Variants in LZTS1 observed in about 807,000 individuals in gnomAD.
LZTS1 encodes leucine zipper tumor suppressor 1.
Under a neutral mutation model 45.8 loss-of-function variants are expected in LZTS1, and 31 were observed. The observed-to-expected ratio is 0.68, with a 90% CI of 0.51 to 0.91. LZTS1 has a LOEUF of 0.91. Ranked by LOEUF, LZTS1 falls within the 40% of genes least tolerant of loss-of-function variation. LZTS1 has a pLI of 0.00. For synonymous variants in LZTS1, 359 were observed against 357.3 expected (o/e 1.00, Z -0.05); for missense variants, 821 against 788.9 (o/e 1.04, Z -0.49).
intron 3 of LZTS1, among the ~76,000 whole-genome samples, chr8:20,251,108 T>C (rs1227768546): frequency 4.3e-4 from 8 of 18,718 alleles, no homozygotes; most frequent in African/African-American, 1.5e-3. Flanking sequence ...AATATATATA[T>C]ATATATATAT....
chr8:20,272,964 G>T (rs538366939), intron 1 of LZTS1, among the ~76,000 whole-genome samples: 6 of 152,042 alleles, frequency 3.9e-5, no homozygotes, highest in East Asian at 1.9e-4. Flanking sequence ...TTTTTCTCCC[G>T]TTCACAGCCA....
At chr8:20,266,053 C>G (rs1482961530) in intron 1 of LZTS1, among the ~76,000 whole-genome samples, 1 of 150,926 alleles carries the variant, frequency 6.6e-6, no homozygotes, top group Non-Finnish European at 1.5e-5. Flanking sequence ...GACAGAGTCT[C>G]ACTCTCTTGT....
chr8:20,254,371 A>T (rs1356404538), intron 2 of LZTS1, among the ~76,000 whole-genome samples: 1 of 152,134 alleles, frequency 6.6e-6, no homozygotes, highest in Non-Finnish European at 1.5e-5. Context: ...TTGAACAAGG[A>T]GCTAATGCAC....
intron 1 of LZTS1, among the ~76,000 whole-genome samples, chr8:20,287,142 A>ACATTGATTTTAAAAGATT (rs1800806819): frequency 6.6e-6 from 1 of 152,196 alleles, no homozygotes; most frequent in African/African-American, 2.4e-5. Flanking sequence ...CCAATTTACC[A>ACATTGATTTTAAAAGATT]ATCAGGAAAC....
At chr8:20,303,693 C>T in intron 1 of LZTS1, 47 bp downstream of exon 1, 1 of 985,480 alleles carries the variant, frequency 1.0e-6, no homozygotes, top group Non-Finnish European at 1.2e-6. Context: ...GCAGCCAGGG[C>T]AGCAGACCCT....
chr8:20,297,908 T>C (rs1466547466), intron 1 of LZTS1, among the ~76,000 whole-genome samples: 1 of 152,166 alleles, frequency 6.6e-6, no homozygotes, highest in Non-Finnish European at 1.5e-5. Context: ...ATTAAACACT[T>C]GCCAACAATT....
intron 2 of LZTS1, among the ~76,000 whole-genome samples, chr8:20,253,947 T>A (rs1459031859): frequency 2.0e-5 from 3 of 152,158 alleles, no homozygotes; most frequent in Non-Finnish European, 4.4e-5. Flanking sequence ...CCTCTTTAGG[T>A]CCATCCCTTC....
intron 3 of LZTS1, 38 bp downstream of exon 3, chr8:20,252,744 G>T (rs182793072): frequency 6.1e-6 from 9 of 1,475,184 alleles, no homozygotes; most frequent in Non-Finnish European, 8.1e-6. Context: ...GCGCCAAACC[G>T]CTGACCACCC....
chr8:20,273,783 T>A (rs1184355878), intron 1 of LZTS1, among the ~76,000 whole-genome samples: 79 of 152,136 alleles, frequency 5.2e-4, no homozygotes, highest in Non-Finnish European at 7.4e-4. Flanking sequence ...TATTTGTTTT[T>A]TTTTTTCCTA....
chr8:20,270,140 G>A (rs1477965385), intron 1 of LZTS1, among the ~76,000 whole-genome samples: 4 of 152,270 alleles, frequency 2.6e-5, no homozygotes, highest in East Asian at 3.8e-4. Context: ...TAAGGCCAGC[G>A]ATGCTTCAGT....
In LZTS1 at chr8:20,280,105, G is replaced by T. The variant is rs924071501; in HGVS notation, c.-135+23635C>A. On this transcript the variant is annotated intron_variant, in intron 1 of 3. Coordinates refer to ENST00000381569, the MANE Select transcript of LZTS1 (RefSeq NM_021020.5). ...CCTTAGGCCATCCTCCTACACAGGA[G>T]ACAGTGAAAGTGCTTGCTCTTATTC... Among the ~76,000 whole-genome samples the T allele has an allele frequency of 2.6e-5, 4 of 152,080 alleles. No homozygotes were observed. The East Asian group carries it at 5.8e-4, about 22-fold the overall frequency.
chr8:20,256,417 G>A (rs1247429915), intron 1 of LZTS1, among the ~76,000 whole-genome samples: 2 of 152,258 alleles, frequency 1.3e-5, no homozygotes, highest in African/African-American at 2.4e-5. Flanking sequence ...TCTGGCTTCC[G>A]GGTGGGGAAG....
chr8:20,280,324 G>C lies in LZTS1; in HGVS notation c.-135+23416C>G, dbSNP rs114522480. On this transcript the variant is annotated intron_variant, in intron 1 of 3. Transcript: ENST00000381569. ...TTCCCGCAGCCTGGCTTTGTCAGGC[G>C]TAACAGTCCTCTCTCATTCTCTGGA... 6.9e-3 allele frequency among the ~76,000 whole-genome samples: 1,050 copies of C among 152,296 alleles called. 15 individuals carry two copies. The highest frequency in any genetic ancestry group is 0.024 in the African/African-American group (1,012 of 41,556).
intron 1 of LZTS1, among the ~76,000 whole-genome samples, chr8:20,275,175 G>A (rs1800554121): frequency 1.3e-5 from 2 of 152,172 alleles, no homozygotes. Flanking sequence ...ACTGAGGCGG[G>A]TGGATCACCT....
At chr8:20,296,569 C>T (rs1355072662) in intron 1 of LZTS1, among the ~76,000 whole-genome samples, 2 of 150,416 alleles carry the variant, frequency 1.3e-5, no homozygotes, top group Admixed American at 1.3e-4. Context: ...CGGGTCCTGA[C>T]ATCTTGGGAG....
At chr8:20,268,124 A>T (rs1442126865) in intron 1 of LZTS1, among the ~76,000 whole-genome samples, 1 of 151,382 alleles carries the variant, frequency 6.6e-6, no homozygotes, top group Non-Finnish European at 1.5e-5. Context: ...CATTTCTTGA[A>T]GTCAAAAGAG....
At chr8:20,289,287 G>A (rs1242982190) in intron 1 of LZTS1, 1 of 152,206 alleles carries the variant, frequency 6.6e-6, no homozygotes, top group African/African-American at 2.4e-5. Context: ...CCTCCCCTCT[G>A]GAGGCATCCT....
chr8:20,250,214 G>A lies in LZTS1; in HGVS notation c.1299C>T (p.Thr433=). 1 of 1,612,736 alleles carries A rather than the reference G, an allele frequency of 6.2e-7. No individual in the cohort carries two copies. Among genetic ancestry groups the A allele is most frequent in the Non-Finnish European group, 8.5e-7 (1 of 1,179,974 alleles). The change falls in exon 4 of 4, where the codon ACC becomes ACT. Residue 433 remains threonine, a synonymous_variant. Transcript: ENST00000381569. The stretch of plus-strand genomic sequence containing the variant: ...TGCGCAGGGCGCCCTCCAGGTCCTG[G>A]GTCCTCAGCTCCAGGCCCTCCAGCT... ...RGKLEGLELR[T]QDLEGALRTK... is the part of the protein sequence containing the mutation.
chr8:20,290,012 A>T (rs1800872590), intron 1 of LZTS1: 1 of 152,150 alleles, frequency 6.6e-6, no homozygotes, highest in Non-Finnish European at 1.5e-5. Context: ...TATCTCCTGG[A>T]GCACTCCTGG....
Sources: gnomAD v4.1 joint callset for allele counts (sites outside exome capture counted in the v4.1 genomes callset) on GRCh38, gnomAD v4.1.1 for gene constraint, MANE v1.5 for transcripts, NCBI Gene and HGNC (gene_info 2026-07-23, HGNC 2026-07-21) for gene names.